The following CTNNA3 variants were observed in gnomAD, a reference collection of about 807,000 sequenced individuals.
CTNNA3 encodes catenin alpha-3.
CTNNA3 carries 76 observed loss-of-function variants against 95.7 expected under a neutral mutation model. That is an observed-to-expected ratio of 0.79 (90% CI 0.66 to 0.96). CTNNA3 has a LOEUF of 0.96. Ranked by LOEUF, CTNNA3 falls within the 40% of genes least tolerant of loss-of-function variation. The pLI is 0.00. For synonymous variants in CTNNA3, 431 were observed against 374.4 expected, an observed-to-expected ratio of 1.15 and a Z score of -1.74; for missense variants, 1,191 against 1,089.8, an observed-to-expected ratio of 1.09 and a Z score of -1.31.
rs75141544 is a variant in CTNNA3 at position 66,587,686 on chromosome 10, T to C, written c.1374+34006A>G. Among the ~76,000 whole-genome samples, 887 of 152,244 alleles carry C rather than the reference T, an allele frequency of 5.8e-3. 8 individuals carry two copies. Among genetic ancestry groups the C allele is most frequent in the African/African-American group, 0.021 (855 of 41,544 alleles). ...GGATGCAGGGGTTAGCAAGCAGCAG[T>C]AAGCCCCACTCAGCTCCCATGCACT... On this transcript the variant is annotated intron_variant, in intron 10 of 17. Transcript: ENST00000433211.
chr10:67,123,559 C>T (rs924648143), intron 7 of CTNNA3, among the ~76,000 whole-genome samples: 3 of 151,834 alleles, frequency 2.0e-5, no homozygotes, highest in Admixed American at 6.6e-5. Context: ...TATCTGAACA[C>T]ATTTTCTTTA....
intron 5 of CTNNA3, among the ~76,000 whole-genome samples, chr10:67,492,934 A>G (rs1838900134): frequency 6.6e-6 from 1 of 152,214 alleles, no homozygotes; most frequent in Non-Finnish European, 1.5e-5. Context: ...GGAAGGAATC[A>G]TAGAAAAAGA....
chr10:66,092,602 A>G (rs557219165), intron 14 of CTNNA3, among the ~76,000 whole-genome samples: 1 of 152,066 alleles, frequency 6.6e-6, no homozygotes, highest in South Asian at 2.1e-4. Flanking sequence ...GGCTAGGTTC[A>G]CTAAGTAGCA....
intron 9 of CTNNA3, among the ~76,000 whole-genome samples, chr10:66,726,700 C>G (rs1248898464): frequency 3.9e-5 from 6 of 152,016 alleles, no homozygotes; most frequent in Non-Finnish European, 8.8e-5. Flanking sequence ...GAGTTGTTGC[C>G]AGGAAGAACT....
At chr10:66,725,102 G>A (rs1054169589) in intron 9 of CTNNA3, among the ~76,000 whole-genome samples, 1 of 152,078 alleles carries the variant, frequency 6.6e-6, no homozygotes, top group African/African-American at 2.4e-5. Context: ...CAAAATAGTT[G>A]TTATTGTACT....
chr10:65,956,732 A>G (rs1235152568), intron 17 of CTNNA3, among the ~76,000 whole-genome samples: 3 of 152,166 alleles, frequency 2.0e-5, no homozygotes, highest in Non-Finnish European at 2.9e-5. Context: ...TCCTAGTTTG[A>G]TTGCACTGTG....
chr10:66,975,314 C>T (rs925263634), intron 7 of CTNNA3, among the ~76,000 whole-genome samples: 2 of 152,158 alleles, frequency 1.3e-5, no homozygotes, highest in Non-Finnish European at 2.9e-5. Context: ...GTATGCACAA[C>T]ATGCATGCTG....
intron 9 of CTNNA3, among the ~76,000 whole-genome samples, chr10:66,742,565 G>A (rs551213961): frequency 2.6e-5 from 4 of 151,992 alleles, no homozygotes; most frequent in Admixed American, 6.5e-5. Context: ...CTGGTTTTAC[G>A]GCTCAGGGGG....
chr10:67,458,166 T>A (rs925533779), intron 5 of CTNNA3, among the ~76,000 whole-genome samples: 2 of 152,202 alleles, frequency 1.3e-5, no homozygotes, highest in Middle Eastern at 3.4e-3. Context: ...CCATCAGAAA[T>A]CTTCCTCTAA....
At chr10:67,385,048 T>A (rs1258060358) in intron 5 of CTNNA3, among the ~76,000 whole-genome samples, 1 of 152,194 alleles carries the variant, frequency 6.6e-6, no homozygotes, top group Non-Finnish European at 1.5e-5. Flanking sequence ...GCTACTTTGT[T>A]GCTTCTTTCA....
intron 4 of CTNNA3, among the ~76,000 whole-genome samples, chr10:67,528,539 C>G (rs573997511): frequency 6.6e-6 from 1 of 152,196 alleles, no homozygotes; most frequent in Admixed American, 6.5e-5. Context: ...CCCTCTGCCC[C>G]ACTACCTTCT....
chr10:66,021,491 C>T (rs984292727), intron 15 of CTNNA3, among the ~76,000 whole-genome samples: 1 of 151,800 alleles, frequency 6.6e-6, no homozygotes. Context: ...TTAAAAATAA[C>T]GAGGTATTTG....
chr10:66,556,344 C>T (rs540509574), intron 10 of CTNNA3, among the ~76,000 whole-genome samples: 11 of 152,094 alleles, frequency 7.2e-5, no homozygotes, highest in East Asian at 1.9e-4. Flanking sequence ...CCATATGATC[C>T]GGTAATCCCT....
intron 12 of CTNNA3, among the ~76,000 whole-genome samples, chr10:66,357,111 G>A (rs1315598290): frequency 6.6e-6 from 1 of 151,870 alleles, no homozygotes; most frequent in Non-Finnish European, 1.5e-5. Flanking sequence ...GGGTATTACT[G>A]GCCTACTGAA....
At chr10:67,483,787 AC>A (rs1848339989) in intron 5 of CTNNA3, among the ~76,000 whole-genome samples, 1 of 146,518 alleles carries the variant, frequency 6.8e-6, no homozygotes, top group East Asian at 2.0e-4. Flanking sequence ...AAAAAAAAAA[AC>A]AAAAAAAAAA....
chr10:66,949,024 A>G (rs987897485), intron 7 of CTNNA3, among the ~76,000 whole-genome samples: 4 of 152,228 alleles, frequency 2.6e-5, no homozygotes, highest in Admixed American at 2.6e-4. Context: ...GACTCTGGAA[A>G]AAGCATGTAA....
chr10:66,094,663 G>A (rs2081326433), intron 14 of CTNNA3, among the ~76,000 whole-genome samples: 1 of 152,102 alleles, frequency 6.6e-6, no homozygotes, highest in South Asian at 2.1e-4. Flanking sequence ...TTTGGTTAAA[G>A]GCAATTAGCA....
intron 6 of CTNNA3, among the ~76,000 whole-genome samples, chr10:67,208,212 A>AC (rs1010699128): frequency 4.6e-5 from 7 of 150,930 alleles, no homozygotes; most frequent in Non-Finnish European, 8.8e-5. Flanking sequence ...CTCTACTAAA[A>AC]ACACACACAC....
intron 12 of CTNNA3, among the ~76,000 whole-genome samples, chr10:66,365,757 GCTCTCTCTCTCT>G (rs71035132): frequency 7.1e-5 from 8 of 113,068 alleles, no homozygotes; most frequent in Admixed American, 9.3e-5. Context: ...TGCATCTTAG[GCTCTCTCTCTCT>G]CTCTCTCTCT....
Sources: allele counts gnomAD v4.1 joint callset (sites outside exome capture counted in the v4.1 genomes callset), GRCh38; gene constraint gnomAD v4.1.1; transcripts MANE v1.5; gene names NCBI Gene and HGNC (gene_info 2026-07-23, HGNC 2026-07-21).